Variants in PLCG2 observed in about 807,000 individuals in gnomAD.
PLCG2 encodes the protein 1-phosphatidylinositol 4,5-bisphosphate phosphodiesterase gamma-2.
Under a neutral mutation model 175.6 loss-of-function variants are expected in PLCG2, and 69 were observed. The ratio of observed to expected loss-of-function variants is 0.39; its 90% CI spans 0.32 to 0.48. The LOEUF is 0.48. PLCG2 is among the 20% of genes least tolerant of loss of function. PLCG2 has a pLI of 0.91. For missense variants in PLCG2, 1,798 were observed against 1,650.9 expected (o/e 1.09, Z -1.54); for synonymous variants, 827 against 624.0 (o/e 1.33, Z -4.85).
At chr16:81,752,779 G>T (rs1291579553) in intron 1 of PLCG2, among the ~76,000 whole-genome samples, 1 of 152,230 alleles carries the variant, frequency 6.6e-6, no homozygotes, top group Non-Finnish European at 1.5e-5. Context: ...GAGGGCCAGT[G>T]CTGGAAGCTC....
chr16:81,795,721 G>A (rs925763281), intron 2 of PLCG2, among the ~76,000 whole-genome samples: 1 of 151,858 alleles, frequency 6.6e-6, no homozygotes, highest in Non-Finnish European at 1.5e-5. Context: ...CTCCCCAAGA[G>A]ATGGGGTCTT....
chr16:81,812,574 T>C (rs994844662), intron 2 of PLCG2, among the ~76,000 whole-genome samples: 1 of 152,378 alleles, frequency 6.6e-6, no homozygotes, highest in Middle Eastern at 3.4e-3. Context: ...TTGTAGATTC[T>C]GGATATTAGC....
intron 5 of PLCG2, among the ~76,000 whole-genome samples, chr16:81,867,204 G>A (rs866535093): frequency 1.3e-5 from 2 of 152,192 alleles, no homozygotes; most frequent in East Asian, 1.9e-4. Context: ...ACTTCCTTCC[G>A]CATGCCACAG....
intron 25 of PLCG2, among the ~76,000 whole-genome samples, chr16:81,933,791 T>C (rs147373352): frequency 4.7e-4 from 71 of 152,282 alleles, no homozygotes; most frequent in African/African-American, 1.6e-3. Context: ...AAAAGTCTGA[T>C]AGAATTTGGG....
At chr16:81,851,435 G>A (rs960448743) in intron 2 of PLCG2, among the ~76,000 whole-genome samples, 50 of 152,106 alleles carry the variant, frequency 3.3e-4, no homozygotes, top group African/African-American at 1.1e-3. Context: ...ACGTGTAGGT[G>A]GGTATGTCTA....
At chr16:81,896,486 G>A (rs930857497) in intron 13 of PLCG2, among the ~76,000 whole-genome samples, 1 of 151,942 alleles carries the variant, frequency 6.6e-6, no homozygotes, top group African/African-American at 2.4e-5. Flanking sequence ...GCTGAGGTGG[G>A]AGGATTGCTT....
intron 2 of PLCG2, among the ~76,000 whole-genome samples, chr16:81,787,859 C>G (rs1299689006): frequency 6.6e-6 from 1 of 152,082 alleles, no homozygotes; most frequent in African/African-American, 2.4e-5. Flanking sequence ...TTCTTTGACT[C>G]AGCATTTTTC....
At chr16:81,758,051 C>T (rs1282533004) in intron 2 of PLCG2, among the ~76,000 whole-genome samples, 1 of 152,230 alleles carries the variant, frequency 6.6e-6, no homozygotes, top group Non-Finnish European at 1.5e-5. Context: ...TCTCAGCTCT[C>T]TGCAGCTTCC....
intron 2 of PLCG2, among the ~76,000 whole-genome samples, chr16:81,828,235 A>ATT (rs67992648): frequency 1.2e-4 from 7 of 59,370 alleles, no homozygotes; most frequent in African/African-American, 2.7e-4. Flanking sequence ...GAGAAATGTC[A>ATT]TTTTTTTTTT....
At chr16:81,805,225 C>A (rs1012027034) in intron 2 of PLCG2, among the ~76,000 whole-genome samples, 1 of 152,108 alleles carries the variant, frequency 6.6e-6, no homozygotes, top group African/African-American at 2.4e-5. Context: ...AAAGGCCAGG[C>A]TCGGTAGCTC....
intron 10 of PLCG2, 173 bp downstream of exon 10, chr16:81,889,446 G>A (rs1415771215): frequency 1.8e-6 from 1 of 548,940 alleles, no homozygotes; most frequent in Non-Finnish European, 3.3e-6. Context: ...TTTCTCCCAG[G>A]TTCTAGATTA....
chr16:81,895,287 G>T (rs894923091), intron 12 of PLCG2, among the ~76,000 whole-genome samples: 1 of 152,216 alleles, frequency 6.6e-6, no homozygotes, highest in Non-Finnish European at 1.5e-5. Context: ...GAGGTTGGGC[G>T]TGGTGGCTCA....
At chr16:81,783,311 A>ATAT (rs888443573) in intron 1 of PLCG2, among the ~76,000 whole-genome samples, 1 of 152,074 alleles carries the variant, frequency 6.6e-6, no homozygotes, top group Non-Finnish European at 1.5e-5. Context: ...TTTTATTATT[A>ATAT]TATTATTATT....
chr16:81,829,308 C>G (rs757296517), intron 2 of PLCG2, among the ~76,000 whole-genome samples: 2 of 152,124 alleles, frequency 1.3e-5, no homozygotes, highest in African/African-American at 2.4e-5. Context: ...GGGATTTCAC[C>G]CTGTTGGTCA....
intron 2 of PLCG2, among the ~76,000 whole-genome samples, chr16:81,811,643 G>T (rs1203283103): frequency 5.9e-5 from 9 of 152,060 alleles, no homozygotes; most frequent in Admixed American, 5.9e-4. Context: ...TCTTGTGTTA[G>T]TTTGCTGAGA....
intron 7 of PLCG2, among the ~76,000 whole-genome samples, chr16:81,877,168 A>G (rs1426456515): frequency 6.6e-6 from 1 of 152,226 alleles, no homozygotes; most frequent in Admixed American, 6.5e-5. Context: ...TAAAAATAAC[A>G]GAAGTGTCGG....
intron 2 of PLCG2, among the ~76,000 whole-genome samples, chr16:81,835,818 T>C (rs1905484661): frequency 6.6e-6 from 1 of 152,112 alleles, no homozygotes. Context: ...CCTCTCCTCT[T>C]CCTGGCCTCT....
At chr16:81,946,343 G>A (rs1227953692) in intron 31 of PLCG2, 80 bp downstream of exon 31, 3 of 983,872 alleles carry the variant, frequency 3.0e-6, no homozygotes, top group Non-Finnish European at 4.9e-6. Flanking sequence ...AATACAATTG[G>A]CAGATGGACT....
At chr16:81,934,320 T>C (rs1406894487) in intron 25 of PLCG2, 109 bp from the exon 26 acceptor site, 1 of 677,644 alleles carries the variant, frequency 1.5e-6, no homozygotes, top group Non-Finnish European at 2.7e-6. Context: ...ATATTAAAGA[T>C]CCGAGTGTGC....
Sources: gnomAD v4.1 joint callset for allele counts (sites outside exome capture counted in the v4.1 genomes callset) on GRCh38, gnomAD v4.1.1 for gene constraint, MANE v1.5 for transcripts, NCBI Gene and HGNC (gene_info 2026-07-23, HGNC 2026-07-21) for gene names.